The following TRAPPC2 variants were observed in gnomAD, a reference collection of about 807,000 sequenced individuals.
The protein encoded by TRAPPC2 is sedlin.
A neutral mutation model predicts 10.0 loss-of-function variants in TRAPPC2; 4 were observed. The ratio of observed to expected loss-of-function variants is 0.40; its 90% confidence interval spans 0.20 to 0.92. The LOEUF is 0.92. Ranked by LOEUF, TRAPPC2 falls within the 40% of genes least tolerant of loss-of-function variation. The probability of loss-of-function intolerance (pLI) is 0.35; values close to 1 mark genes in which losing one functional copy is unlikely to be tolerated. For missense variants in TRAPPC2, 52 were observed against 108.7 expected, an observed-to-expected ratio of 0.48 and a Z score of 2.32; for synonymous variants, 36 against 37.3, an observed-to-expected ratio of 0.97 and a Z score of 0.12.
chrX:13,732,482 G>A (rs1473226465), intron 2 of TRAPPC2, among the ~76,000 whole-genome samples: 1 of 113,019 alleles, frequency 8.8e-6, no homozygotes, highest in Non-Finnish European at 1.9e-5. Flanking sequence ...GTGACTGCCA[G>A]GAACTGGCGC....
chrX:13,731,730 T>A (rs781650459), intron 2 of TRAPPC2, among the ~76,000 whole-genome samples: 1 of 111,902 alleles, frequency 8.9e-6, no homozygotes, highest in African/African-American at 3.3e-5. Flanking sequence ...TCGGAGAACA[T>A]TGGGTGCTCC....
At chrX:13,721,026 C>CAA (rs5901514) in intron 2 of TRAPPC2, 172 of 75,221 alleles carry the variant, frequency 2.3e-3, no homozygotes, top group East Asian at 9.9e-3. Context: ...GACCCTGTCT[C>CAA]AAAAAAAAAA....
intron 2 of TRAPPC2, among the ~76,000 whole-genome samples, chrX:13,725,013 G>A (rs1250144464): frequency 1.8e-5 from 2 of 113,287 alleles, no homozygotes; most frequent in East Asian, 5.6e-4. Context: ...GCAGCAGTCT[G>A]AGATTGAACT....
intron 2 of TRAPPC2, among the ~76,000 whole-genome samples, chrX:13,723,056 C>T (rs185404720): frequency 4.1e-5 from 4 of 98,365 alleles, no homozygotes; most frequent in African/African-American, 1.5e-4. Flanking sequence ...GATCGTGCCA[C>T]TGCACACTCC....
chrX:13,724,005 C>T lies in TRAPPC2; in HGVS notation c.-19-4023G>A, dbSNP rs758147217. Among the ~76,000 whole-genome samples, 21 of 111,734 alleles carry T rather than the reference C, an allele frequency of 1.9e-4. No individual in the cohort carries two copies. The South Asian group carries it at 7.5e-3, about 40-fold the overall frequency. On this transcript the variant is annotated intron_variant, in intron 2 of 5. Coordinates refer to ENST00000380579, the MANE Select transcript of TRAPPC2 (RefSeq NM_001011658.4). The stretch of plus-strand genomic sequence containing the variant: ...AAAGAGGAAAGTCAGGGGGAAGTGA[C>T]AGAAGAATGGTCACAGCAATGTGAT...
In TRAPPC2 at chrX:13,734,392, G is replaced by A. The variant is rs770631515; in HGVS notation, c.-162+133C>T. On this transcript the variant is annotated intron_variant, in intron 1 of 5. Transcript: ENST00000380579. ...GGGCTGCGCGGATGAGCCAGCGGAG[G>A]GCTGGCAGGTCCGGCCCGGCCACCC... is the stretch of plus-strand genomic sequence containing the variant. The A allele has an allele frequency of 3.3e-3, 942 of 286,614 alleles. 2 individuals carry two copies. The highest frequency in any genetic ancestry group is 4.6e-3 in the Non-Finnish European group (751 of 162,967). The allele number at this position is 286,614 out of a possible 1,213,427, so 23.6% of individuals were successfully genotyped here.
chrX:13,715,444 G>A, intron 5 of TRAPPC2: 1 of 113,135 alleles, frequency 8.8e-6, no homozygotes, highest in Non-Finnish European at 1.9e-5. Flanking sequence ...CTGCACTCCA[G>A]CCTGGGTGAC....
At chrX:13,714,741 T>C (rs1463275854) in intron 5 of TRAPPC2, among the ~76,000 whole-genome samples, 3 of 112,278 alleles carry the variant, frequency 2.7e-5, no homozygotes, top group African/African-American at 9.7e-5. Flanking sequence ...GTATGATAAA[T>C]GTTGCCTGTG....
intron 3 of TRAPPC2, among the ~76,000 whole-genome samples, chrX:13,718,133 A>G (rs2046335393): frequency 8.9e-6 from 1 of 112,507 alleles, no homozygotes. Flanking sequence ...AACTGAGACA[A>G]TAAATTTCTG....
Position 13,716,690 on chromosome X carries a change from T to G in TRAPPC2, c.94-12A>C. On this transcript the variant is annotated splice_polypyrimidine_tract_variant and intron_variant, in intron 3 of 5. Coordinates refer to ENST00000380579, the MANE Select transcript of TRAPPC2 (RefSeq NM_001011658.4). ...TGACGATGGTCGTCCTAGATGACAG[T>G]GTGAGCAACCACAGATTAACATTTG... The G allele has an allele frequency of 8.3e-7, 1 of 1,208,766 alleles. No homozygotes were observed. The highest frequency in any genetic ancestry group is 1.1e-6 in the Non-Finnish European group (1 of 894,115).
rs2046257328 is a variant in TRAPPC2, at chrX:13,714,371, T to C, written c.*36A>G. On this transcript the variant is annotated 3_prime_UTR_variant, in exon 6 of 6. Transcript: ENST00000380579. ...TGTACACATTCCTGAGTATACACCATTGTGGTGACATCATTTATTTTGGAA... is the reference window on the plus strand; with the variant it reads ...TGTACACATTCCTGAGTATACACCACTGTGGTGACATCATTTATTTTGGAA... 4.2e-6 allele frequency: 4 copies of C among 946,055 alleles called. No individual in the cohort carries two copies. The highest frequency in any genetic ancestry group is 5.9e-6 in the Non-Finnish European group (4 of 675,896). The allele number at this position is 946,055 out of a possible 1,213,427, so 78.0% of individuals were successfully genotyped here. A position where few individuals can be genotyped will look rare whatever the true frequency, so the allele number is the denominator to read the frequency against.
At chrX:13,718,511 G>A (rs148275376) in intron 3 of TRAPPC2, among the ~76,000 whole-genome samples, 1,971 of 112,074 alleles carry the variant, frequency 0.018, 39 homozygotes, top group African/African-American at 0.061. Flanking sequence ...CCAACACAAG[G>A]GCAGTGGAGT....
intron 3 of TRAPPC2, among the ~76,000 whole-genome samples, chrX:13,718,035 GGAGA>G (rs1368828050): frequency 8.9e-6 from 1 of 112,448 alleles, no homozygotes. Flanking sequence ...CCAGAAGCTG[GGAGA>G]GAGGCCTGGA....
intron 2 of TRAPPC2, among the ~76,000 whole-genome samples, chrX:13,723,542 G>T (rs865875702): frequency 1.3e-4 from 14 of 111,650 alleles, no homozygotes; most frequent in Non-Finnish European, 2.1e-4. Flanking sequence ...GTATTACTTA[G>T]AATTCCAATA....
chrX:13,732,834 T>C (rs1171084833), intron 2 of TRAPPC2, among the ~76,000 whole-genome samples: 1 of 112,843 alleles, frequency 8.9e-6, no homozygotes, highest in Non-Finnish European at 1.9e-5. Flanking sequence ...CATGCCTCTT[T>C]ACAACCTCTA....
chrX:13,729,659 G>A (rs776989616), intron 2 of TRAPPC2, among the ~76,000 whole-genome samples: 8 of 111,637 alleles, frequency 7.2e-5, no homozygotes, highest in South Asian at 3.7e-4. Context: ...CTGTAATCCC[G>A]GCACTTTGGG....
At chrX:13,720,568 A>C (rs1330720812) in intron 2 of TRAPPC2, 2 of 112,507 alleles carry the variant, frequency 1.8e-5, no homozygotes, top group African/African-American at 6.5e-5. Flanking sequence ...TTCTACTTGA[A>C]GTATGTGTGC....
chrX:13,733,941 G>A (rs1171591617), intron 2 of TRAPPC2, 103 bp downstream of exon 2: 1 of 502,268 alleles, frequency 2.0e-6, no homozygotes, highest in Non-Finnish European at 3.6e-6. Context: ...ATGTATCTTA[G>A]TTCTTGTTCA....
At chrX:13,714,576 T>C (rs2046259445) in intron 5 of TRAPPC2, 71 bp from the exon 6 acceptor site, 1 of 612,115 alleles carries the variant, frequency 1.6e-6, no homozygotes, top group South Asian at 4.4e-5. Flanking sequence ...GAAATCATTT[T>C]AAAGTTTTAA....
Sources: gnomAD v4.1 joint callset for allele counts (sites outside exome capture counted in the v4.1 genomes callset) on GRCh38, gnomAD v4.1.1 for gene constraint, MANE v1.5 for transcripts, NCBI Gene and HGNC (gene_info 2026-07-23, HGNC 2026-07-21) for gene names.